VKORC1L1: variants seen among roughly 807,000 people sequenced by gnomAD.
VKORC1L1 encodes vitamin K epoxide reductase complex subunit 1L1.
In VKORC1L1, 2 loss-of-function variants were observed where a neutral mutation model predicts 18.9. That is an observed-to-expected ratio of 0.11 (90% CI 0.04 to 0.33). The LOEUF (loss-of-function observed/expected upper bound fraction) is 0.33. VKORC1L1 is among the 10% of genes least tolerant of loss of function. VKORC1L1 has a pLI of 1.00. For synonymous variants in VKORC1L1, 96 were observed against 100.0 expected (o/e 0.96, Z 0.24); for missense variants, 123 against 224.1 (o/e 0.55, Z 2.88).
intron 2 of VKORC1L1, among the ~76,000 whole-genome samples, chr7:65,951,499 G>A (rs1790211734): frequency 1.3e-5 from 2 of 151,882 alleles, no homozygotes; most frequent in Admixed American, 1.3e-4. Flanking sequence ...GTTTGAACCT[G>A]GGAGACAGAG....
intron 1 of VKORC1L1, among the ~76,000 whole-genome samples, chr7:65,878,118 T>C (rs151209498): frequency 1.1e-3 from 162 of 152,308 alleles, no homozygotes; most frequent in African/African-American, 3.7e-3. Context: ...ATCTATTTAC[T>C]ACCCCATTGA....
chr7:65,879,685 C>CTTCCTTTCCT lies in VKORC1L1; in HGVS notation c.194+6124_194+6133dup, dbSNP rs1554393367. On this transcript the variant is annotated intron_variant, in intron 1 of 2. Coordinates refer to ENST00000360768, the MANE Select transcript of VKORC1L1 (RefSeq NM_173517.6). ...TCTTCCTTTCCCTCCCACCCTCCTT[C>CTTCCTTTCCT]TTCCTTTCCTTTCTTTTCTCTCTTT... Among the ~76,000 whole-genome samples the CTTCCTTTCCT allele has an allele frequency of 1.4e-3, 210 of 151,668 alleles. 2 individuals are homozygous for CTTCCTTTCCT. The Middle Eastern group carries it at 0.02, about 15-fold the overall frequency.
intron 1 of VKORC1L1, among the ~76,000 whole-genome samples, chr7:65,890,957 A>C (rs1315154649): frequency 2.0e-5 from 3 of 152,212 alleles, no homozygotes; most frequent in African/African-American, 7.2e-5. Flanking sequence ...CTTTCATGGT[A>C]ATTTCCAGAA....
At chr7:65,896,049 C>T (rs1789206211) in intron 1 of VKORC1L1, among the ~76,000 whole-genome samples, 1 of 151,022 alleles carries the variant, frequency 6.6e-6, no homozygotes, top group African/African-American at 2.4e-5. Flanking sequence ...GTGCCCGCTA[C>T]CACACTCGGC....
rs1790283554 is a variant in VKORC1L1 at position 65,955,592 on chromosome 7, G to A, written c.*1292G>A. 1 of 152,186 alleles carries A rather than the reference G, an allele frequency of 6.6e-6. No individual in the cohort carries two copies. Among genetic ancestry groups the A allele is most frequent in the Admixed American group, 6.5e-5 (1 of 15,274 alleles). The allele number at this position is 152,186 out of a possible 1,614,324, so 9.4% of individuals were successfully genotyped here. ...GAAATTGTGACAGGATGTTTGTATGGTTAACATCTGATATCAGAATGTTAA... is the reference window on the plus strand; with the variant it reads ...GAAATTGTGACAGGATGTTTGTATGATTAACATCTGATATCAGAATGTTAA... On this transcript the variant is annotated 3_prime_UTR_variant, in exon 3 of 3. Coordinates refer to ENST00000360768, the MANE Select transcript of VKORC1L1 (RefSeq NM_173517.6).
At chr7:65,869,542 G>C (rs1233678468), upstream of VKORC1L1, among the ~76,000 whole-genome samples, 2 of 150,778 alleles carry the variant, frequency 1.3e-5, no homozygotes. Flanking sequence ...GACGTGGGAT[G>C]ATGAGTCAGG....
intron 1 of VKORC1L1, among the ~76,000 whole-genome samples, chr7:65,908,620 G>A (rs1443434670): frequency 1.3e-5 from 2 of 151,552 alleles, no homozygotes; most frequent in African/African-American, 2.4e-5. Flanking sequence ...GGTGGATCAC[G>A]AAGTCAGGAG....
At chr7:65,938,297 CAT>C (rs1438571291) in intron 1 of VKORC1L1, among the ~76,000 whole-genome samples, 1 of 151,984 alleles carries the variant, frequency 6.6e-6, no homozygotes, top group Admixed American at 6.6e-5. Context: ...TAAAATTAAA[CAT>C]ATGTTAGCAA....
At chr7:65,946,763 C>T (rs1173051808) in intron 1 of VKORC1L1, among the ~76,000 whole-genome samples, 1 of 152,096 alleles carries the variant, frequency 6.6e-6, no homozygotes, top group African/African-American at 2.4e-5. Context: ...CGTCAGTGCA[C>T]ACAGTACATG....
In VKORC1L1 at chr7:65,954,298, TGACGCCCGACA is replaced by T; in HGVS notation, c.*2_*12del. Reference sequence around the variant, plus strand: ...GCGGCAGCTGCAACCCAAGCAGGACTGACGCCCGACAGACTCCACCCTAACAGTCTCAAGCC... The same window carrying T: ...GCGGCAGCTGCAACCCAAGCAGGACTGACTCCACCCTAACAGTCTCAAGCC... On this transcript the variant is annotated stop_retained_variant and 3_prime_UTR_variant, in exon 3 of 3. Transcript: ENST00000360768. 6.2e-7 allele frequency: 1 copy of T among 1,614,112 alleles called. No homozygotes were observed. Among genetic ancestry groups the T allele is most frequent in the Non-Finnish European group, 8.5e-7 (1 of 1,180,042 alleles).
chr7:65,890,907 C>T (rs981191758), intron 1 of VKORC1L1, among the ~76,000 whole-genome samples: 1 of 152,068 alleles, frequency 6.6e-6, no homozygotes, highest in Non-Finnish European at 1.5e-5. Flanking sequence ...TAACCACTAC[C>T]CAGATGAAGA....
intron 1 of VKORC1L1, among the ~76,000 whole-genome samples, chr7:65,895,495 A>G (rs1290660851): frequency 2.4e-5 from 2 of 82,076 alleles, no homozygotes; most frequent in Non-Finnish European, 5.1e-5. Context: ...ATATATATAT[A>G]TATATATATA....
At chr7:65,921,069 G>GT (rs1338163667) in intron 1 of VKORC1L1, among the ~76,000 whole-genome samples, 1 of 151,824 alleles carries the variant, frequency 6.6e-6, no homozygotes, top group East Asian at 1.9e-4. Flanking sequence ...CTTTGGGGGG[G>GT]GTTTAACTGG....
chr7:65,872,451 T>C (rs1788738406), upstream of VKORC1L1, among the ~76,000 whole-genome samples: 1 of 152,002 alleles, frequency 6.6e-6, no homozygotes, highest in South Asian at 2.1e-4. Context: ...TAGCTGGGAT[T>C]ACAGGCGCCC....
At chr7:65,872,180 A>C (rs779597488), upstream of VKORC1L1, among the ~76,000 whole-genome samples, 19 of 152,184 alleles carry the variant, frequency 1.2e-4, no homozygotes, top group Non-Finnish European at 2.6e-4. Flanking sequence ...CTGTGTTCTT[A>C]TTCCTGGCCT....
intron 2 of VKORC1L1, among the ~76,000 whole-genome samples, chr7:65,951,581 A>AT (rs1790214347): frequency 6.6e-6 from 1 of 151,610 alleles, no homozygotes; most frequent in South Asian, 2.1e-4. Flanking sequence ...CAGGAAAAAA[A>AT]AAATATATAT....
intron 1 of VKORC1L1, among the ~76,000 whole-genome samples, chr7:65,931,482 G>A (rs1173287697): frequency 1.3e-5 from 2 of 152,084 alleles, no homozygotes; most frequent in Non-Finnish European, 2.9e-5. Context: ...CATCTAAGTT[G>A]TCAAATTTAT....
At chr7:65,951,636 C>T (rs1179163171) in intron 2 of VKORC1L1, among the ~76,000 whole-genome samples, 1 of 151,868 alleles carries the variant, frequency 6.6e-6, no homozygotes, top group Non-Finnish European at 1.5e-5. Flanking sequence ...ATCTATCCCA[C>T]CCCTTCCCTT....
chr7:65,895,988 C>T (rs981135332), intron 1 of VKORC1L1, among the ~76,000 whole-genome samples: 1 of 149,714 alleles, frequency 6.7e-6, no homozygotes, highest in African/African-American at 2.5e-5. Flanking sequence ...CTCCGCCTCC[C>T]GGGTTCAAGC....
Sources: gnomAD v4.1 joint callset for allele counts (sites outside exome capture counted in the v4.1 genomes callset) on GRCh38, gnomAD v4.1.1 for gene constraint, MANE v1.5 for transcripts, NCBI Gene and HGNC (gene_info 2026-07-23, HGNC 2026-07-21) for gene names.